Variants in HTR2C observed in about 807,000 individuals in gnomAD.
The protein encoded by HTR2C is 5-hydroxytryptamine receptor 2C, also known as 5-hydroxytryptamine (serotonin) receptor 2C, G protein-coupled.
HTR2C carries 5 observed loss-of-function variants against 21.0 expected under a neutral mutation model. The ratio of observed to expected loss-of-function variants is 0.24; its 90% confidence interval spans 0.12 to 0.50. The LOEUF (loss-of-function observed/expected upper bound fraction) is 0.50. Ranked by LOEUF, HTR2C falls within the 20% of genes least tolerant of loss-of-function variation. The probability of loss-of-function intolerance (pLI) is 0.98; values close to 1 mark genes in which losing one functional copy is unlikely to be tolerated. For missense variants in HTR2C, 271 were observed against 371.2 expected (o/e 0.73, Z 2.22); for synonymous variants, 150 against 145.3 (o/e 1.03, Z -0.23).
chrX:114,676,537 C>T (rs192380963), intron 2 of HTR2C, among the ~76,000 whole-genome samples: 208 of 111,859 alleles, frequency 1.9e-3, no homozygotes, highest in Non-Finnish European at 3.2e-3. Context: ...TTAAAAAATC[C>T]ATTTGGAAAG....
intron 2 of HTR2C, among the ~76,000 whole-genome samples, chrX:114,659,825 C>T (rs1377126746): frequency 1.8e-5 from 2 of 111,213 alleles, no homozygotes; most frequent in African/African-American, 3.3e-5. Flanking sequence ...ATGATAATTT[C>T]CTCATTTTGA....
chrX:114,823,456 C>G lies in HTR2C; in HGVS notation c.350-24547C>G, dbSNP rs782296965. 1.5e-5 allele frequency: 5 copies of G among 343,511 alleles called. No individual in the cohort carries two copies. In the Admixed American group the frequency reaches 1.6e-4, roughly 11 times the overall value. The allele number at this position is 343,511 out of a possible 1,213,427, so 28.3% of individuals were successfully genotyped here. A position where few individuals can be genotyped will look rare whatever the true frequency, so the allele number is the denominator to read the frequency against. ...TGCAGCAGTTCATCTTCGCATGGGC[C>G]GGGAGGTTGAACATCCTGCATAGTG... On this transcript the variant is annotated intron_variant, in intron 4 of 5. Coordinates refer to ENST00000276198, the MANE Select transcript of HTR2C (RefSeq NM_000868.4).
intron 4 of HTR2C, chrX:114,776,025 T>C: frequency 4.7e-6 from 2 of 422,629 alleles, no homozygotes; most frequent in Admixed American, 7.9e-5. Flanking sequence ...TTCTCACTGA[T>C]GTCTTTCTTA....
intron 2 of HTR2C, among the ~76,000 whole-genome samples, chrX:114,704,326 C>A (rs1455718923): frequency 1.8e-5 from 2 of 111,295 alleles, no homozygotes; most frequent in Non-Finnish European, 3.8e-5. Flanking sequence ...TACTGGCAAA[C>A]TGAATCCAGC....
chrX:114,830,731 A>G (rs1170828026), intron 4 of HTR2C, among the ~76,000 whole-genome samples: 15 of 105,704 alleles, frequency 1.4e-4, no homozygotes, highest in African/African-American at 5.2e-4. Context: ...GTTTTAGTGT[A>G]CATGTGCACA....
At chrX:114,669,222 A>G (rs1556411289) in intron 2 of HTR2C, among the ~76,000 whole-genome samples, 1 of 111,624 alleles carries the variant, frequency 9.0e-6, no homozygotes, top group African/African-American at 3.3e-5. Flanking sequence ...TAGCAATCAT[A>G]GGCTGGCTTT....
chrX:114,638,393 G>GGTT (rs1360661410), intron 2 of HTR2C, among the ~76,000 whole-genome samples: 1 of 111,027 alleles, frequency 9.0e-6, no homozygotes, highest in Non-Finnish European at 1.9e-5. Context: ...AAGATCTTTA[G>GGTT]GTTAGCAAGC....
chrX:114,670,103 G>T lies in HTR2C; in HGVS notation c.-80+56222G>T, dbSNP rs782286509. ...AAATACAGAAATTAGCTGGGCAAGG[G>T]CTTACTTGGCCGGGCTCAGTGGCTC... On this transcript the variant is annotated intron_variant, in intron 2 of 5. Transcript: ENST00000276198. Among the ~76,000 whole-genome samples, 11 of 110,875 alleles carry T rather than the reference G, an allele frequency of 9.9e-5. No homozygotes were observed. In the South Asian group the frequency reaches 4.2e-3, roughly 42 times the overall value.
chrX:114,827,818 A>G (rs2070690470), intron 4 of HTR2C, among the ~76,000 whole-genome samples: 1 of 111,077 alleles, frequency 9.0e-6, no homozygotes, highest in Admixed American at 9.7e-5. Flanking sequence ...TGGTTACACT[A>G]CCTTCTGGTT....
At chrX:114,833,305 A>C (rs1246721508) in intron 4 of HTR2C, among the ~76,000 whole-genome samples, 1 of 99,262 alleles carries the variant, frequency 1.0e-5, no homozygotes, top group Non-Finnish European at 2.1e-5. Context: ...CTCTGGTAGA[A>C]TTCGCCTGTG....
intron 1 of HTR2C, among the ~76,000 whole-genome samples, chrX:114,599,873 T>C (rs17095149): frequency 0.012 from 1,342 of 111,954 alleles, 26 homozygotes; most frequent in African/African-American, 0.041. Context: ...TGATAGGTAG[T>C]TTGAATTTTC....
intron 4 of HTR2C, among the ~76,000 whole-genome samples, chrX:114,749,255 C>G (rs1162570701): frequency 9.2e-6 from 1 of 108,234 alleles, no homozygotes; most frequent in Non-Finnish European, 1.9e-5. Flanking sequence ...TTGAGACCAG[C>G]CTGGGCAGCA....
intron 4 of HTR2C, among the ~76,000 whole-genome samples, chrX:114,787,926 A>G (rs1169690624): frequency 9.6e-6 from 1 of 104,667 alleles, no homozygotes; most frequent in Non-Finnish European, 2.0e-5. Flanking sequence ...CAGCCTGGGC[A>G]ACAGAGCGAG....
chrX:114,777,322 A>C (rs927095446), intron 4 of HTR2C, among the ~76,000 whole-genome samples: 3 of 111,924 alleles, frequency 2.7e-5, no homozygotes, highest in African/African-American at 9.7e-5. Flanking sequence ...TCAAAATTTC[A>C]GGCCACCAAA....
chrX:114,679,526 G>A (rs1234276985), intron 2 of HTR2C, among the ~76,000 whole-genome samples: 6 of 110,702 alleles, frequency 5.4e-5, no homozygotes, highest in Non-Finnish European at 7.6e-5. Context: ...TCATCTGCCC[G>A]TCTCGGCCTC....
intron 2 of HTR2C, among the ~76,000 whole-genome samples, chrX:114,631,590 C>T (rs1473565914): frequency 2.7e-5 from 3 of 111,439 alleles, no homozygotes; most frequent in Non-Finnish European, 5.6e-5. Flanking sequence ...TGGTTTTCTC[C>T]TTTTGATGTG....
intron 2 of HTR2C, among the ~76,000 whole-genome samples, chrX:114,693,856 G>A (rs1264644340): frequency 2.7e-5 from 3 of 111,654 alleles, no homozygotes; most frequent in South Asian, 3.7e-4. Context: ...GTGGAGATAC[G>A]TAGAAAAATA....
chrX:114,768,903 T>A (rs1245608816), intron 4 of HTR2C, among the ~76,000 whole-genome samples: 1 of 111,369 alleles, frequency 9.0e-6, no homozygotes, highest in East Asian at 2.8e-4. Flanking sequence ...ACAATGTAAT[T>A]AAGAGCTGTC....
intron 2 of HTR2C, among the ~76,000 whole-genome samples, chrX:114,642,173 CTTTG>C (rs1930160043): frequency 9.0e-6 from 1 of 111,580 alleles, no homozygotes; most frequent in Admixed American, 9.6e-5. Context: ...GATTCCATGT[CTTTG>C]CTATTGTGAA....
Sources: gnomAD v4.1 joint callset for allele counts (sites outside exome capture counted in the v4.1 genomes callset) on GRCh38, gnomAD v4.1.1 for gene constraint, MANE v1.5 for transcripts, NCBI Gene and HGNC (gene_info 2026-07-23, HGNC 2026-07-21) for gene names.